CNTNAP5: variants seen among roughly 807,000 people sequenced by gnomAD.
CNTNAP5 encodes contactin-associated protein-like 5.
Under a neutral mutation model 150.2 loss-of-function variants are expected in CNTNAP5, and 72 were observed. The ratio of observed to expected loss-of-function variants is 0.48; its 90% CI spans 0.40 to 0.58. The LOEUF is 0.58. CNTNAP5 is among the 20% of genes least tolerant of loss of function. CNTNAP5 has a pLI of 0.00. For synonymous variants in CNTNAP5, 672 were observed against 619.8 expected, an observed-to-expected ratio of 1.08 and a Z score of -1.25; for missense variants, 1,636 against 1,626.2, an observed-to-expected ratio of 1.01 and a Z score of -0.10.
At chr2:124,370,840 C>A (rs1242695511) in intron 3 of CNTNAP5, among the ~76,000 whole-genome samples, 1 of 152,074 alleles carries the variant, frequency 6.6e-6, no homozygotes, top group Admixed American at 6.6e-5. Flanking sequence ...GAAAAACATG[C>A]ACATTTATTT....
chr2:124,351,418 AC>A (rs1008343493), intron 3 of CNTNAP5, among the ~76,000 whole-genome samples: 1 of 152,192 alleles, frequency 6.6e-6, no homozygotes, highest in African/African-American at 2.4e-5. Context: ...TGGCAGGAAG[AC>A]CAGCCAGCCT....
In CNTNAP5 at chr2:124,833,785, T is replaced by C. The variant is rs74890339; in HGVS notation, c.3218-31521T>C. Among the ~76,000 whole-genome samples, 359 of 152,230 alleles carry C rather than the reference T, an allele frequency of 2.4e-3. 1 individual carries two copies. The East Asian group carries it at 0.024, about 10-fold the overall frequency. ...TACAGAGGCACAATCATTAACTTCA[T>C]CAGATACTGTCTTATGTGTAGGAAA... On this transcript the variant is annotated intron_variant, in intron 19 of 23. Coordinates refer to ENST00000682447, the MANE Select transcript of CNTNAP5 (RefSeq NM_001367498.1).
chr2:124,071,573 A>T (rs1682305427), intron 1 of CNTNAP5, among the ~76,000 whole-genome samples: 1 of 151,914 alleles, frequency 6.6e-6, no homozygotes, highest in Non-Finnish European at 1.5e-5. Context: ...TATGAGCATT[A>T]TGAGTGACTA....
intron 13 of CNTNAP5, among the ~76,000 whole-genome samples, chr2:124,712,132 T>A (rs906271950): frequency 1.3e-5 from 2 of 152,196 alleles, no homozygotes; most frequent in African/African-American, 4.8e-5. Context: ...AGCACGTTCA[T>A]TAATTTAGAC....
intron 1 of CNTNAP5, among the ~76,000 whole-genome samples, chr2:124,149,820 T>C (rs982500933): frequency 6.6e-6 from 1 of 152,206 alleles, no homozygotes; most frequent in Non-Finnish European, 1.5e-5. Context: ...GCCAACTGTG[T>C]GTCTTCTGTT....
chr2:124,224,075 C>A (rs1183652224), intron 2 of CNTNAP5, among the ~76,000 whole-genome samples: 2 of 151,940 alleles, frequency 1.3e-5, no homozygotes, highest in African/African-American at 4.8e-5. Flanking sequence ...AGGAGCATTG[C>A]CTGAGCCCAT....
intron 21 of CNTNAP5, among the ~76,000 whole-genome samples, chr2:124,889,301 T>C (rs374324705): frequency 7.9e-5 from 12 of 151,852 alleles, no homozygotes; most frequent in African/African-American, 2.9e-4. Flanking sequence ...GGTTTCACCA[T>C]GTTGGTCTCC....
intron 19 of CNTNAP5, among the ~76,000 whole-genome samples, chr2:124,847,300 G>C (rs1683069489): frequency 1.3e-5 from 2 of 152,182 alleles, no homozygotes; most frequent in Non-Finnish European, 1.5e-5. Context: ...TGCTGTGGAG[G>C]ATGTGGGTGT....
At chr2:124,126,325 C>A (rs1384433067) in intron 1 of CNTNAP5, among the ~76,000 whole-genome samples, 1 of 152,100 alleles carries the variant, frequency 6.6e-6, no homozygotes, top group Admixed American at 6.6e-5. Context: ...GGATAAATTC[C>A]TCGACACATA....
intron 14 of CNTNAP5, among the ~76,000 whole-genome samples, chr2:124,749,030 A>G (rs1478638239): frequency 6.6e-6 from 1 of 152,144 alleles, no homozygotes; most frequent in African/African-American, 2.4e-5. Flanking sequence ...ACCTCTCAAG[A>G]CCTACAGAAG....
intron 8 of CNTNAP5, among the ~76,000 whole-genome samples, chr2:124,510,273 C>CTATATCTATATATA (rs1553474633): frequency 5.9e-5 from 2 of 33,916 alleles, no homozygotes; most frequent in African/African-American, 1.7e-4. Flanking sequence ...ATCTATATAT[C>CTATATCTATATATA]TATATCTATA....
In CNTNAP5 at chr2:124,915,055, A is replaced by T. The variant is rs941363788; in HGVS notation, c.*767A>T. 6.3e-5 allele frequency: 10 copies of T among 158,764 alleles called. No individual in the cohort carries two copies. The highest frequency in any genetic ancestry group is 2.4e-4 in the African/African-American group (10 of 41,408). The allele number at this position is 158,764 out of a possible 1,614,324, so 9.8% of individuals were successfully genotyped here. ...TAACAAGAAAGCTTCTAGGAAGTAG[A>T]TGTTCCATATCTTCAAAATGCCTCC... On this transcript the variant is annotated 3_prime_UTR_variant, in exon 24 of 24. Coordinates refer to ENST00000682447, the MANE Select transcript of CNTNAP5 (RefSeq NM_001367498.1).
intron 19 of CNTNAP5, among the ~76,000 whole-genome samples, chr2:124,799,919 A>G (rs1681930086): frequency 6.6e-6 from 1 of 152,122 alleles, no homozygotes; most frequent in Non-Finnish European, 1.5e-5. Context: ...AAGAATCCAC[A>G]AGAGAGAGGG....
intron 1 of CNTNAP5, among the ~76,000 whole-genome samples, chr2:124,052,543 T>G (rs1461382959): frequency 6.6e-6 from 1 of 152,222 alleles, no homozygotes; most frequent in African/African-American, 2.4e-5. Flanking sequence ...TTTCAGTGTT[T>G]GATAGATTTC....
At chr2:124,810,493 T>C (rs1682191978) in intron 19 of CNTNAP5, among the ~76,000 whole-genome samples, 3 of 152,036 alleles carry the variant, frequency 2.0e-5, no homozygotes, top group Admixed American at 2.0e-4. Context: ...AAAACAGAAA[T>C]TAAAGTCTTT....
intron 1 of CNTNAP5, among the ~76,000 whole-genome samples, chr2:124,198,931 C>T (rs1329682054): frequency 6.6e-6 from 1 of 151,198 alleles, no homozygotes; most frequent in Non-Finnish European, 1.5e-5. Context: ...CTTGCAGGAC[C>T]AAGTCTATCA....
At chr2:124,156,895 G>T (rs1684560723) in intron 1 of CNTNAP5, among the ~76,000 whole-genome samples, 1 of 152,120 alleles carries the variant, frequency 6.6e-6, no homozygotes, top group Non-Finnish European at 1.5e-5. Context: ...GATTACCTCT[G>T]TGCCTCAGTT....
chr2:124,537,026 G>A (rs1167706107), intron 10 of CNTNAP5, among the ~76,000 whole-genome samples: 1 of 151,750 alleles, frequency 6.6e-6, no homozygotes, highest in Non-Finnish European at 1.5e-5. Flanking sequence ...TGTGTGGTGT[G>A]TGTGTGTGTG....
intron 12 of CNTNAP5, among the ~76,000 whole-genome samples, chr2:124,610,284 G>T (rs1677351710): frequency 6.6e-6 from 1 of 152,130 alleles, no homozygotes; most frequent in African/African-American, 2.4e-5. Context: ...CCCTGACTCA[G>T]GAAGCTGGAA....
Sources: gnomAD v4.1 joint callset for allele counts (sites outside exome capture counted in the v4.1 genomes callset) on GRCh38, gnomAD v4.1.1 for gene constraint, MANE v1.5 for transcripts, NCBI Gene and HGNC (gene_info 2026-07-23, HGNC 2026-07-21) for gene names.